Variants in ZBTB20 observed in about 807,000 individuals in gnomAD.
ZBTB20 encodes zinc finger and BTB domain-containing protein 20.
A neutral mutation model predicts 56.9 loss-of-function variants in ZBTB20; 9 were observed. The ratio of observed to expected loss-of-function variants is 0.16; its 90% CI spans 0.10 to 0.28. The LOEUF (loss-of-function observed/expected upper bound fraction) is 0.28. ZBTB20 is among the 10% of genes least tolerant of loss of function. The pLI, the probability that ZBTB20 is intolerant of heterozygous loss-of-function variation, is 1.00. For synonymous variants in ZBTB20, 417 were observed against 420.7 expected (o/e 0.99, Z 0.11); for missense variants, 655 against 1,003.0 (o/e 0.65, Z 4.69).
chr3:115,079,251 C>T (rs2082706861), intron 1 of ZBTB20, among the ~76,000 whole-genome samples: 1 of 152,078 alleles, frequency 6.6e-6, no homozygotes, highest in African/African-American at 2.4e-5. Context: ...AAGAAGTTTC[C>T]ACTTACTCTC....
intron 5 of ZBTB20, among the ~76,000 whole-genome samples, chr3:114,740,371 G>T (rs2066486565): frequency 1.3e-5 from 2 of 152,152 alleles, no homozygotes. Flanking sequence ...CCATCGACCA[G>T]ATTGTTTGAA....
In ZBTB20 at chr3:114,324,712, A is replaced by T. The variant is rs2079007169; in HGVS notation, c.*14293T>A. ...TTGTGTTATTCCATAAGAAGAAAAA[A>T]CATTCATAGTAGGATTTCTTAAGGA... is the stretch of plus-strand genomic sequence containing the variant. On this transcript the variant is annotated 3_prime_UTR_variant, in exon 12 of 12. Coordinates refer to ENST00000675478, the MANE Select transcript of ZBTB20 (RefSeq NM_001348800.3). The T allele has an allele frequency of 6.6e-6, 1 of 152,176 alleles. No individual in the cohort carries two copies. Among genetic ancestry groups the T allele is most frequent in the Non-Finnish European group, 1.5e-5 (1 of 68,020 alleles). The allele number at this position is 152,176 out of a possible 1,614,324, so 9.4% of individuals were successfully genotyped here. A position where few individuals can be genotyped will look rare whatever the true frequency, so the allele number is the denominator to read the frequency against.
chr3:115,044,570 T>A (rs1560521196), intron 2 of ZBTB20, among the ~76,000 whole-genome samples: 1 of 152,184 alleles, frequency 6.6e-6, no homozygotes, highest in Non-Finnish European at 1.5e-5. Context: ...AAAAATGAAA[T>A]TGGTTATTAT....
intron 3 of ZBTB20, among the ~76,000 whole-genome samples, chr3:114,948,103 A>G (rs1043598761): frequency 6.8e-6 from 1 of 146,028 alleles, no homozygotes; most frequent in Non-Finnish European, 1.5e-5. Flanking sequence ...AAAGGATAAT[A>G]TAACATCAAG....
At chr3:114,806,209 T>C (rs1215420784) in intron 4 of ZBTB20, among the ~76,000 whole-genome samples, 1 of 151,910 alleles carries the variant, frequency 6.6e-6, no homozygotes, top group African/African-American at 2.4e-5. Context: ...ACATCTCCCC[T>C]GGTAATATAG....
At chr3:114,955,289 T>A (rs2077208127) in intron 3 of ZBTB20, among the ~76,000 whole-genome samples, 1 of 152,188 alleles carries the variant, frequency 6.6e-6, no homozygotes, top group Admixed American at 6.6e-5. Context: ...TAGCTAAAAG[T>A]CAGATATATC....
chr3:114,369,996 C>T (rs2082828944), intron 10 of ZBTB20, among the ~76,000 whole-genome samples: 1 of 152,102 alleles, frequency 6.6e-6, no homozygotes, highest in South Asian at 2.1e-4. Context: ...AACATTATTT[C>T]TCATAAAAAA....
chr3:114,343,479 G>A (rs1250789882), intron 11 of ZBTB20, among the ~76,000 whole-genome samples: 1 of 152,150 alleles, frequency 6.6e-6, no homozygotes, highest in African/African-American at 2.4e-5. Flanking sequence ...CGTGAGTACA[G>A]TGATGGGTCA....
At chr3:115,048,790 T>C (rs926055485) in intron 2 of ZBTB20, among the ~76,000 whole-genome samples, 6 of 152,206 alleles carry the variant, frequency 3.9e-5, no homozygotes, top group Non-Finnish European at 5.9e-5. Flanking sequence ...TACATTTAAA[T>C]TGAGCATTTA....
At chr3:114,866,019 A>G (rs1022122514) in intron 4 of ZBTB20, among the ~76,000 whole-genome samples, 6 of 152,200 alleles carry the variant, frequency 3.9e-5, no homozygotes, top group Non-Finnish European at 7.4e-5. Context: ...ATTAATAGAG[A>G]GGAATTAAAT....
chr3:114,952,465 T>A (rs1255626504), intron 3 of ZBTB20, among the ~76,000 whole-genome samples: 1 of 152,018 alleles, frequency 6.6e-6, no homozygotes, highest in Non-Finnish European at 1.5e-5. Flanking sequence ...GGTATTCTTT[T>A]ATAGCAGCAG....
chr3:114,633,996 T>C (rs2059115619), intron 6 of ZBTB20, among the ~76,000 whole-genome samples: 1 of 152,298 alleles, frequency 6.6e-6, no homozygotes, highest in African/African-American at 2.4e-5. Context: ...ATCACATTCA[T>C]CTCTGTATCC....
chr3:114,352,036 T>C (rs1476045330), intron 10 of ZBTB20, 158 bp from the exon 11 acceptor site: 1 of 930,492 alleles, frequency 1.1e-6, no homozygotes. Flanking sequence ...GCATACAAGC[T>C]GTAGGTACGA....
In ZBTB20 at chr3:114,669,740, T is replaced by C. The variant is rs868358042; in HGVS notation, c.-295+23788A>G. Among the ~76,000 whole-genome samples the C allele has an allele frequency of 6.2e-4, 94 of 152,196 alleles. No individual in the cohort carries two copies. The Middle Eastern group carries it at 0.014, about 22-fold the overall frequency. On this transcript the variant is annotated intron_variant, in intron 6 of 11. Transcript: ENST00000675478. ...CATATGTACCGCAAACATTCATTTG[T>C]GCAGAACATAGCACCACATTTCTAA...
intron 1 of ZBTB20, among the ~76,000 whole-genome samples, chr3:115,097,013 C>T: frequency 6.6e-6 from 1 of 152,070 alleles, no homozygotes. Context: ...AAAGTATCTG[C>T]AATTTTTGAA....
At chr3:114,922,741 CAAGAGAGAAAG>C (rs1448765160) in intron 3 of ZBTB20, among the ~76,000 whole-genome samples, 1 of 152,054 alleles carries the variant, frequency 6.6e-6, no homozygotes, top group African/African-American at 2.4e-5. Context: ...GATTACAAGG[CAAGAGAGAAAG>C]AAGAGAGAGC....
chr3:114,657,119 T>A (rs1467975326), intron 6 of ZBTB20, among the ~76,000 whole-genome samples: 1 of 152,232 alleles, frequency 6.6e-6, no homozygotes, highest in Non-Finnish European at 1.5e-5. Context: ...ACATTGTGCA[T>A]GATATTTATA....
intron 6 of ZBTB20, among the ~76,000 whole-genome samples, chr3:114,560,935 C>A (rs973973284): frequency 9.9e-5 from 15 of 152,208 alleles, no homozygotes; most frequent in Non-Finnish European, 1.9e-4. Flanking sequence ...TCCTCTCAAA[C>A]TCTGCCATCG....
At chr3:114,896,511 C>A (rs1002353249) in intron 4 of ZBTB20, among the ~76,000 whole-genome samples, 1 of 152,180 alleles carries the variant, frequency 6.6e-6, no homozygotes, top group Admixed American at 6.6e-5. Context: ...AAGAGAAATA[C>A]TATATGATTC....
Sources: allele counts gnomAD v4.1 joint callset (sites outside exome capture counted in the v4.1 genomes callset), GRCh38; gene constraint gnomAD v4.1.1; transcripts MANE v1.5; gene names NCBI Gene and HGNC (gene_info 2026-07-23, HGNC 2026-07-21).